PSD: variants seen among roughly 807,000 people sequenced by gnomAD.
The protein encoded by PSD is PH and SEC7 domain-containing protein 1.
In PSD, 32 loss-of-function variants were observed where a neutral mutation model predicts 91.6. The observed-to-expected ratio is 0.35, with a 90% confidence interval of 0.26 to 0.47. The LOEUF is 0.47. Among genes scored for constraint, PSD ranks in the 20% least tolerant of loss-of-function variants. PSD has a pLI of 1.00. For missense variants in PSD, 1,099 were observed against 1,373.9 expected, an observed-to-expected ratio of 0.80 and a Z score of 3.16; for synonymous variants, 532 against 569.3, an observed-to-expected ratio of 0.93 and a Z score of 0.93.
rs2061400174 is a variant in PSD at position 102,409,234 on chromosome 10, G to C, written c.2091+1624C>G. On this transcript the variant is annotated intron_variant, in intron 10 of 16. Coordinates refer to ENST00000020673, the MANE Select transcript of PSD (RefSeq NM_002779.5). This position sits in a 1 kb window ranked among gnomAD's most constrained non-coding sequence, Gnocchi z 5.7. The stretch of plus-strand genomic sequence containing the variant: ...CGGCCCGAGCCGGCCCGGCTCTCAC[G>C]GACGCACGGAGTGCGCGGCGGCGGC... 3.0e-6 allele frequency: 3 copies of C among 983,926 alleles called. No homozygotes were observed. Among genetic ancestry groups the C allele is most frequent in the Non-Finnish European group, 3.6e-6 (3 of 829,292 alleles). The allele number at this position is 983,926 out of a possible 1,614,324, so 60.9% of individuals were successfully genotyped here.
In PSD at chr10:102,403,951, T is replaced by C. The variant is rs376484573; in HGVS notation, c.2735A>G (p.Lys912Arg). 6.3e-7 allele frequency: 1 copy of C among 1,575,740 alleles called. No homozygotes were observed. Among genetic ancestry groups the C allele is most frequent in the Non-Finnish European group, 8.6e-7 (1 of 1,161,552 alleles). The change falls in exon 16 of 17, where the codon AAG (lysine) becomes AGG (arginine). Residue 912 changes from lysine to arginine, a missense_variant. Physicochemically the swap from Lys to Arg is conservative, Grantham distance 26. Transcript: ENST00000020673. This position sits in a 1 kb window ranked among gnomAD's most constrained non-coding sequence, Gnocchi z 6.7. The part of the protein sequence containing the change: ...EQVRTHEAKL[K>R]AMASELREHR... ...CTCCCGCAGCTCACTTGCCATGGCC[T>C]TCAGCTTGGCCTCGTGGGTCCGCAC...
At position 102,405,320 on chromosome 10, in the gene PSD, C is replaced by A. The variant is rs1362888497; in HGVS notation, c.2326+26G>T. 3.7e-6 allele frequency: 6 copies of A among 1,607,650 alleles called. No homozygotes were observed. The African/African-American group carries it at 6.7e-5, about 18-fold the overall frequency. On this transcript the variant is annotated intron_variant, in intron 12 of 16. Transcript: ENST00000020673. This position sits in a 1 kb window ranked among gnomAD's most constrained non-coding sequence, Gnocchi z 5.4. ...CCACTCCCATCCATCCCCTAGACGC[C>A]CGCCCCCCGCAACTCGGCCACATAC...
At chr10:102,407,667 C>T (rs2061377639) in intron 10 of PSD, among the ~76,000 whole-genome samples, 4 of 152,188 alleles carry the variant, frequency 2.6e-5, no homozygotes, top group Admixed American at 2.6e-4. Context: ...CCCCTTCCCC[C>T]AACCACGCGC....
Position 102,416,816 on chromosome 10 carries a change from A to AG in PSD, c.222dup (p.Ser75LeufsTer127), listed in dbSNP as rs760272514. 3.8e-6 allele frequency: 6 copies of AG among 1,598,110 alleles called. No homozygotes were observed. The highest frequency in any genetic ancestry group is 2.6e-6 in the Non-Finnish European group (3 of 1,171,876). ...CAGGGTGAGGGAGCAACACGGGGTGAGGGGGGGCCACGCAGAGGTGTACAG... is the reference window on the plus strand; with the variant it reads ...CAGGGTGAGGGAGCAACACGGGGTGAGGGGGGGGCCACGCAGAGGTGTACAG... On this transcript the variant is annotated frameshift_variant, in exon 2 of 17. Coordinates refer to ENST00000020673, the MANE Select transcript of PSD (RefSeq NM_002779.5). LOFTEE classifies it high-confidence loss of function. This position sits in a 1 kb window ranked among gnomAD's most constrained non-coding sequence, Gnocchi z 6.0.
chr10:102,405,131 C>T lies in PSD; in HGVS notation c.2397+52G>A. ...CCTCCTATTCCCACCCATCACCCCA[C>T]ACCCACCAGCCAACTCAGTCCCAGC... On this transcript the variant is annotated intron_variant, in intron 13 of 16. Coordinates refer to ENST00000020673, the MANE Select transcript of PSD (RefSeq NM_002779.5). The surrounding 1 kb of genome is among the most constrained non-coding windows in gnomAD (Gnocchi z 5.4). 1 of 1,610,486 alleles carries T rather than the reference C, an allele frequency of 6.2e-7. No individual in the cohort carries two copies. The highest frequency in any genetic ancestry group is 1.7e-5 in the Admixed American group (1 of 59,892).
rs2061454039 is a variant in PSD, at chr10:102,414,343, G to A, written c.1125-146C>T. ...CCCACTAACAAAAAAGAGCCTCTAG[G>A]GTAGGGCGCCAAGCTATTCAGTGCC... On this transcript the variant is annotated intron_variant, in intron 4 of 16. Coordinates refer to ENST00000020673, the MANE Select transcript of PSD (RefSeq NM_002779.5). The surrounding 1 kb of genome is among the most constrained non-coding windows in gnomAD (Gnocchi z 5.6). 1.2e-6 allele frequency: 1 copy of A among 825,748 alleles called. No individual in the cohort carries two copies. The highest frequency in any genetic ancestry group is 1.9e-6 in the Non-Finnish European group (1 of 539,984). 51.2% of individuals were successfully genotyped at this position (825,748 alleles called of 1,614,324 possible).
In PSD at chr10:102,411,158, A is replaced by T. The variant is rs1344335320; in HGVS notation, c.1943-42T>A. 1.1e-5 allele frequency: 17 copies of T among 1,553,426 alleles called. No individual in the cohort carries two copies. The Middle Eastern group carries it at 8.7e-4, about 79-fold the overall frequency. ...TTTCAGCCTTGGCTGCCTCCCAGGG[A>T]CCCTTCCCACAGCCATCTTCCCCAA... On this transcript the variant is annotated intron_variant, in intron 8 of 16. Transcript: ENST00000020673.
At chr10:102,411,238 C>T in intron 8 of PSD, 122 bp from the exon 9 acceptor site, 2 of 826,548 alleles carry the variant, frequency 2.4e-6, no homozygotes, top group South Asian at 1.7e-5. Flanking sequence ...TCCTGAACCC[C>T]GCTAGTAAAC....
In PSD at chr10:102,405,455, A is replaced by G. The variant is rs1418759432; in HGVS notation, c.2217T>C (p.Ser739=). Residue 739 remains serine (S), a synonymous_variant, in exon 12 of 17, where the codon AGT becomes AGC. Coordinates refer to ENST00000020673, the MANE Select transcript of PSD (RefSeq NM_002779.5). The surrounding 1 kb of genome is among the most constrained non-coding windows in gnomAD (Gnocchi z 5.4). ...CCAGGAAAGGGCTGGAGCCACTGCC[A>G]CTGCCCCCGCTGATCCGCTTGATGA... ...PKVIKRISGG[S]GSGSSPFLDL... 7 of 1,613,846 alleles carry G rather than the reference A, an allele frequency of 4.3e-6. No homozygotes were observed. The highest frequency in any genetic ancestry group is 1.1e-5 in the South Asian group (1 of 91,084).
rs1048557475 is a variant in PSD at position 102,414,520 on chromosome 10, G to T, written c.1125-323C>A. Among the ~76,000 whole-genome samples, 2 of 152,094 alleles carry T rather than the reference G, an allele frequency of 1.3e-5. No homozygotes were observed. Among genetic ancestry groups the T allele is most frequent in the South Asian group, 4.1e-4 (2 of 4,822 alleles). ...CTTAGGAGAAGATGAGGCTCCAAGCGACACTGGGGTGTGAGACGGAAAGGA... is the reference window on the plus strand; with the variant it reads ...CTTAGGAGAAGATGAGGCTCCAAGCTACACTGGGGTGTGAGACGGAAAGGA... On this transcript the variant is annotated intron_variant, in intron 4 of 16. Transcript: ENST00000020673. The surrounding 1 kb of genome is among the most constrained non-coding windows in gnomAD (Gnocchi z 5.6).
chr10:102,405,467 G>A lies in PSD; in HGVS notation c.2205C>T (p.Ile735=). ...ADPNPKVIKR[I]SGGSGSGSSP... Reference sequence around the variant, plus strand: ...TGGAGCCACTGCCACTGCCCCCGCTGATCCGCTTGATGACCTTGGGGTTGG... The same window carrying A: ...TGGAGCCACTGCCACTGCCCCCGCTAATCCGCTTGATGACCTTGGGGTTGG... Residue 735 remains isoleucine, a synonymous_variant, in exon 12 of 17, where the codon ATC becomes ATT. Coordinates refer to ENST00000020673, the MANE Select transcript of PSD (RefSeq NM_002779.5). The surrounding 1 kb of genome is among the most constrained non-coding windows in gnomAD (Gnocchi z 5.4). 1 of 1,614,048 alleles carries A rather than the reference G, an allele frequency of 6.2e-7. No individual in the cohort carries two copies. The highest frequency in any genetic ancestry group is 8.5e-7 in the Non-Finnish European group (1 of 1,180,010).
At position 102,405,424 on chromosome 10, in the gene PSD, T is replaced by G; in HGVS notation, c.2248A>C (p.Thr750Pro). 1 of 1,613,012 alleles carries G rather than the reference T, an allele frequency of 6.2e-7. No homozygotes were observed. The highest frequency in any genetic ancestry group is 8.5e-7 in the Non-Finnish European group (1 of 1,179,750). The change falls in exon 12 of 17, where the codon ACT (threonine) becomes CCT (proline). Residue 750 changes from threonine to proline, a missense_variant. Thr to Pro is a conservative substitution (Grantham distance 38). Coordinates refer to ENST00000020673, the MANE Select transcript of PSD (RefSeq NM_002779.5). This position sits in a 1 kb window ranked among gnomAD's most constrained non-coding sequence, Gnocchi z 5.4. Reference sequence around the variant, plus strand: ...TAGACGGCAGCCCCAGGCTCGGGAGTCAGGTCCAGGAAAGGGCTGGAGCCA... The same window carrying G: ...TAGACGGCAGCCCCAGGCTCGGGAGGCAGGTCCAGGAAAGGGCTGGAGCCA... ...GSGSSPFLDL[T>P]PEPGAAVYKH...
chr10:102,417,216 G>C, intron 1 of PSD, 95 bp from the exon 2 acceptor site: 1 of 582,480 alleles, frequency 1.7e-6, no homozygotes, highest in Non-Finnish European at 3.0e-6. Context: ...TAGGGCCTCT[G>C]AGTATCAGGG....
Position 102,416,354 on chromosome 10 carries a change from G to A in PSD, c.654+31C>T. On this transcript the variant is annotated intron_variant, in intron 2 of 16. Transcript: ENST00000020673. The surrounding 1 kb of genome is among the most constrained non-coding windows in gnomAD (Gnocchi z 6.0). ...AGGCTGAGCCTTGCCCCTTCACTGGGGGCCCAGGGAGCCCAGGGGAAGTTG... is the reference window on the plus strand; with the variant it reads ...AGGCTGAGCCTTGCCCCTTCACTGGAGGCCCAGGGAGCCCAGGGGAAGTTG... 1.9e-6 allele frequency: 3 copies of A among 1,573,720 alleles called. No individual in the cohort carries two copies. The highest frequency in any genetic ancestry group is 2.6e-6 in the Non-Finnish European group (3 of 1,159,496).
chr10:102,416,024 G>T lies in PSD; in HGVS notation c.750C>A (p.Pro250=), dbSNP rs561554640. ...WEFFYGSLDP[P]SSGAKPPEQA... is the part of the protein sequence containing the mutation. ...CTCAGTCCCAGGCCTTACCTGAGCT[G>T]GGGGGGTCCAAGGAGCCATAGAAGA... is the stretch of plus-strand genomic sequence containing the variant. Residue 250 remains proline (P), a synonymous_variant, in exon 3 of 17, where the codon CCC becomes CCA. Coordinates refer to ENST00000020673, the MANE Select transcript of PSD (RefSeq NM_002779.5). The surrounding 1 kb of genome is among the most constrained non-coding windows in gnomAD (Gnocchi z 6.0). 1.1e-5 allele frequency: 18 copies of T among 1,609,260 alleles called. No individual in the cohort carries two copies. In the South Asian group the frequency reaches 2.0e-4, roughly 18 times the overall value.
intron 1 of PSD, among the ~76,000 whole-genome samples, chr10:102,418,005 G>A (rs1341795775): frequency 1.3e-5 from 2 of 151,892 alleles, no homozygotes; most frequent in African/African-American, 2.4e-5. Flanking sequence ...CACCGCACCC[G>A]GCCAGGGACA....
rs550666683 is a variant in PSD at position 102,414,684 on chromosome 10, A to G, written c.1124+179T>C. Among the ~76,000 whole-genome samples, 1 of 151,968 alleles carries G rather than the reference A, an allele frequency of 6.6e-6. No individual in the cohort carries two copies. Among genetic ancestry groups the G allele is most frequent in the South Asian group, 2.1e-4 (1 of 4,802 alleles). On this transcript the variant is annotated intron_variant, in intron 4 of 16. Transcript: ENST00000020673. This position sits in a 1 kb window ranked among gnomAD's most constrained non-coding sequence, Gnocchi z 5.6. Reference sequence around the variant, plus strand: ...AACCCCTGGCCTCTTTGCTCCCCACATCCCCAGTGTTCTGCCAAGCCTCAG... The same window carrying G: ...AACCCCTGGCCTCTTTGCTCCCCACGTCCCCAGTGTTCTGCCAAGCCTCAG...
Position 102,403,555 on chromosome 10 carries a change from G to T in PSD, c.2845-125C>A, listed in dbSNP as rs907702552. ...GGTGCCCACCCAGGACTGTGAGATG[G>T]TCCCATGCGGGCTGGTGCCCCCTCT... On this transcript the variant is annotated intron_variant, in intron 16 of 16. Coordinates refer to ENST00000020673, the MANE Select transcript of PSD (RefSeq NM_002779.5). The surrounding 1 kb of genome is among the most constrained non-coding windows in gnomAD (Gnocchi z 6.7). The T allele has an allele frequency of 9.3e-6, 9 of 962,968 alleles. No homozygotes were observed. Among genetic ancestry groups the T allele is most frequent in the Non-Finnish European group, 1.1e-5 (7 of 661,688 alleles). 59.7% of individuals were successfully genotyped at this position (962,968 alleles called of 1,614,324 possible).
Position 102,414,133 on chromosome 10 carries a change from C to G in PSD, c.1189G>C (p.Asp397His), listed in dbSNP as rs1443924153. The change falls in exon 5 of 17, where the codon GAT becomes CAT. Residue 397 changes from aspartate to histidine, a missense_variant. By Grantham distance (81) the Asp-to-His change is moderately conservative. Transcript: ENST00000020673. The surrounding 1 kb of genome is among the most constrained non-coding windows in gnomAD (Gnocchi z 5.6). ...ACACAACTGAAAGAGTCAGGCCCAT[C>G]AGCCGAGGGGCTCGTCCCAGGTAGA... ...PFLPGTSPSA[D>H]GPDSFSCVFE... 7 of 1,613,940 alleles carry G rather than the reference C, an allele frequency of 4.3e-6. No homozygotes were observed. The highest frequency in any genetic ancestry group is 4.2e-6 in the Non-Finnish European group (5 of 1,179,980).
Sources: gnomAD v4.1 joint callset for allele counts (sites outside exome capture counted in the v4.1 genomes callset) on GRCh38, gnomAD v4.1.1 for gene constraint, Gnocchi (gnomAD v3.1) non-coding constraint, MANE v1.5 for transcripts, NCBI Gene and HGNC (gene_info 2026-07-23, HGNC 2026-07-21) for gene names.